Variants in FGGY observed in about 807,000 individuals in gnomAD.
FGGY encodes the protein FGGY carbohydrate kinase domain containing, also known as FGGY carbohydrate kinase domain-containing protein.
FGGY carries 72 observed loss-of-function variants against 71.3 expected under a neutral mutation model. The ratio of observed to expected loss-of-function variants is 1.01; its 90% CI spans 0.84 to 1.23. The LOEUF (loss-of-function observed/expected upper bound fraction) is 1.23, where lower values mean the gene tolerates loss of function less well. Among genes scored for constraint, FGGY ranks in the 50% most tolerant of loss-of-function variants. The pLI, the probability that FGGY is intolerant of heterozygous loss-of-function variation, is 0.00. For missense variants in FGGY, 668 were observed against 682.3 expected (o/e 0.98, Z 0.23); for synonymous variants, 251 against 250.3 (o/e 1.00, Z -0.02).
chr1:59,452,272 G>A (rs559628197), intron 5 of FGGY, among the ~76,000 whole-genome samples: 3 of 152,168 alleles, frequency 2.0e-5, no homozygotes, highest in African/African-American at 4.8e-5. Context: ...AATGAGCAAA[G>A]ACAGTTACTA....
At chr1:59,414,676 G>A (rs2064098567) in intron 5 of FGGY, among the ~76,000 whole-genome samples, 1 of 151,962 alleles carries the variant, frequency 6.6e-6, no homozygotes, top group East Asian at 1.9e-4. Flanking sequence ...AAGTGGGGCT[G>A]GTACTCTCTC....
At chr1:59,466,483 C>A (rs562220258) in intron 6 of FGGY, among the ~76,000 whole-genome samples, 4,474 of 151,652 alleles carry the variant, frequency 0.03, 206 homozygotes, top group African/African-American at 0.1. Flanking sequence ...AGCAATGGCA[C>A]CAAAAGCCAA....
intron 5 of FGGY, among the ~76,000 whole-genome samples, chr1:59,400,383 A>G (rs999372205): frequency 2.6e-5 from 4 of 152,232 alleles, no homozygotes; most frequent in African/African-American, 9.6e-5. Flanking sequence ...ATAAATATGT[A>G]TTCTAGACAT....
intron 8 of FGGY, among the ~76,000 whole-genome samples, chr1:59,597,859 C>T (rs146315447): frequency 4.6e-5 from 7 of 152,266 alleles, no homozygotes; most frequent in South Asian, 2.1e-4. Context: ...TTGGTTTTGC[C>T]GTATTAGAGA....
At chr1:59,585,165 A>G (rs1041843228) in intron 8 of FGGY, among the ~76,000 whole-genome samples, 5 of 152,200 alleles carry the variant, frequency 3.3e-5, no homozygotes, top group African/African-American at 1.2e-4. Context: ...ATTGGAAAAA[A>G]CTACTTTAAA....
chr1:59,564,601 A>G (rs1330207880), intron 8 of FGGY, among the ~76,000 whole-genome samples: 1 of 152,238 alleles, frequency 6.6e-6, no homozygotes, highest in Non-Finnish European at 1.5e-5. Context: ...TGAAAGACAC[A>G]GTGAGATCCA....
chr1:59,603,195 G>C (rs939996958), intron 8 of FGGY, among the ~76,000 whole-genome samples: 2 of 152,140 alleles, frequency 1.3e-5, no homozygotes, highest in Non-Finnish European at 2.9e-5. Context: ...GTAAATAAAT[G>C]TTACTTGTTT....
At position 59,698,655 on chromosome 1, in the gene FGGY, C is replaced by T. The variant is rs995147180; in HGVS notation, c.1512+24522C>T. The T allele has an allele frequency of 2.4e-5, 16 of 675,206 alleles. No individual in the cohort carries two copies. The African/African-American group carries it at 3.1e-4, about 13-fold the overall frequency. The allele number at this position is 675,206 out of a possible 1,614,324, so 41.8% of individuals were successfully genotyped here. A position where few individuals can be genotyped will look rare whatever the true frequency, so the allele number is the denominator to read the frequency against. ...GGGAATTTTTTTTTCTTGCTTCTGACCCACCTCTCCCCTTTCTTTTGATAA... is the reference window on the plus strand; with the variant it reads ...GGGAATTTTTTTTTCTTGCTTCTGATCCACCTCTCCCCTTTCTTTTGATAA... On this transcript the variant is annotated intron_variant, in intron 14 of 15. Transcript: ENST00000303721.
At chr1:59,620,423 A>G (rs1207659468) in intron 9 of FGGY, among the ~76,000 whole-genome samples, 1 of 151,784 alleles carries the variant, frequency 6.6e-6, no homozygotes, top group Non-Finnish European at 1.5e-5. Context: ...GTCTATGTAA[A>G]GTATATTTTT....
intron 11 of FGGY, among the ~76,000 whole-genome samples, chr1:59,646,424 A>G (rs1485402612): frequency 6.6e-6 from 1 of 151,454 alleles, no homozygotes; most frequent in Admixed American, 6.6e-5. Flanking sequence ...TAATCACAAT[A>G]CCAAATTGGT....
intron 5 of FGGY, among the ~76,000 whole-genome samples, chr1:59,400,824 T>C (rs908966730): frequency 2.6e-5 from 4 of 152,086 alleles, no homozygotes; most frequent in African/African-American, 9.7e-5. Context: ...CAGGCTCAAG[T>C]GCAGTGGCGT....
intron 4 of FGGY, among the ~76,000 whole-genome samples, chr1:59,361,786 C>T (rs1386850437): frequency 5.3e-5 from 8 of 152,174 alleles, no homozygotes; most frequent in Non-Finnish European, 8.8e-5. Context: ...TGAGCACTCA[C>T]GTCCTCACTG....
chr1:59,730,624 T>C (rs1479986793), intron 14 of FGGY, among the ~76,000 whole-genome samples: 2 of 152,176 alleles, frequency 1.3e-5, no homozygotes, highest in African/African-American at 4.8e-5. Context: ...CCTACATTAT[T>C]ACAGTGGTGT....
chr1:59,320,988 C>A (rs1239482632), intron 1 of FGGY, among the ~76,000 whole-genome samples: 1 of 152,176 alleles, frequency 6.6e-6, no homozygotes, highest in Non-Finnish European at 1.5e-5. Flanking sequence ...GGAATCTCAC[C>A]TTGACCACCT....
chr1:59,481,112 G>A (rs2093451311), intron 6 of FGGY, among the ~76,000 whole-genome samples: 1 of 152,184 alleles, frequency 6.6e-6, no homozygotes, highest in South Asian at 2.1e-4. Context: ...TTTTTTCTTA[G>A]TGACTTGCAC....
At chr1:59,542,396 C>T (rs1327513692) in intron 7 of FGGY, among the ~76,000 whole-genome samples, 2 of 145,468 alleles carry the variant, frequency 1.4e-5, no homozygotes, top group African/African-American at 5.1e-5. Flanking sequence ...CAGGGCTGAA[C>T]GTGTGACAGC....
At chr1:59,663,989 A>G (rs1156748671) in intron 12 of FGGY, among the ~76,000 whole-genome samples, 1 of 152,228 alleles carries the variant, frequency 6.6e-6, no homozygotes, top group Non-Finnish European at 1.5e-5. Context: ...ATTGTAATCA[A>G]GTTAACTTGG....
rs74086250 is a variant in FGGY, at chr1:59,628,040, A to C, written c.1073+1991A>C. On this transcript the variant is annotated intron_variant, in intron 10 of 15. Transcript: ENST00000303721. ...TACAGAGATAAATGTTGTAGGCAAGAATCATTAATGGATGCTAAAATTAGT... is the reference window on the plus strand; with the variant it reads ...TACAGAGATAAATGTTGTAGGCAAGCATCATTAATGGATGCTAAAATTAGT... 3.5e-3 allele frequency among the ~76,000 whole-genome samples: 537 copies of C among 152,372 alleles called. 4 individuals are homozygous for C. Among genetic ancestry groups the C allele is most frequent in the African/African-American group, 0.012 (513 of 41,596 alleles).
At chr1:59,575,839 A>C (rs1276028937) in intron 8 of FGGY, among the ~76,000 whole-genome samples, 1 of 152,210 alleles carries the variant, frequency 6.6e-6, no homozygotes, top group Non-Finnish European at 1.5e-5. Flanking sequence ...ACAACACTAA[A>C]TATTCTCATA....
Sources: gnomAD v4.1 joint callset for allele counts (sites outside exome capture counted in the v4.1 genomes callset) on GRCh38, gnomAD v4.1.1 for gene constraint, MANE v1.5 for transcripts, NCBI Gene and HGNC (gene_info 2026-07-23, HGNC 2026-07-21) for gene names.